The following EDNRB variants were observed in gnomAD, a reference collection of about 807,000 sequenced individuals.
EDNRB encodes the protein Hirschsprung disease 2.
A neutral mutation model predicts 46.4 loss-of-function variants in EDNRB; 18 were observed. That is an observed-to-expected ratio of 0.39 (90% CI 0.27 to 0.57). The LOEUF (loss-of-function observed/expected upper bound fraction) is 0.57, where lower values mean the gene tolerates loss of function less well. Ranked by LOEUF, EDNRB falls within the 20% of genes least tolerant of loss-of-function variation. The pLI is 0.61. For missense variants in EDNRB, 434 were observed against 537.5 expected, an observed-to-expected ratio of 0.81 and a Z score of 1.90; for synonymous variants, 213 against 204.9, an observed-to-expected ratio of 1.04 and a Z score of -0.34.
At chr13:77,938,090 A>G (rs1880621957) in intron 1 of EDNRB, among the ~76,000 whole-genome samples, 1 of 152,144 alleles carries the variant, frequency 6.6e-6, no homozygotes, top group Admixed American at 6.5e-5. Context: ...GTTTTAGGTC[A>G]GGTGTGAGTT....
intron 1 of EDNRB, among the ~76,000 whole-genome samples, chr13:77,937,938 C>T (rs909657652): frequency 5.3e-5 from 8 of 152,030 alleles, no homozygotes; most frequent in South Asian, 2.1e-4. Context: ...TCAGGCATTT[C>T]GACTGTTTGC....
chr13:77,896,872 G>C lies in EDNRB; in HGVS notation c.*1328C>G. ...CTTAGAAGATATAAAAATTAGGCAG[G>C]AACGCACAAAGCTAAGAGGTTCTTA... is the stretch of plus-strand genomic sequence containing the variant. On this transcript the variant is annotated 3_prime_UTR_variant, in exon 7 of 7. Transcript: ENST00000646607. 9.8e-7 allele frequency: 1 copy of C among 1,024,210 alleles called. No homozygotes were observed. Among genetic ancestry groups the C allele is most frequent in the Non-Finnish European group, 1.2e-6 (1 of 856,018 alleles). 63.4% of individuals were successfully genotyped at this position (1,024,210 alleles called of 1,614,324 possible).
At chr13:77,923,687 A>G (rs1357756190), upstream of EDNRB, among the ~76,000 whole-genome samples, 2 of 152,164 alleles carry the variant, frequency 1.3e-5, no homozygotes, top group Non-Finnish European at 2.9e-5. Context: ...GAAGTGTCCA[A>G]AGAGATGTGA....
At chr13:77,957,933 C>T (rs1413562023) in intron 1 of EDNRB, among the ~76,000 whole-genome samples, 1 of 152,150 alleles carries the variant, frequency 6.6e-6, no homozygotes, top group Non-Finnish European at 1.5e-5. Flanking sequence ...TCCAAGGCCA[C>T]GTTTTTGTTT....
At chr13:77,930,452 A>C (rs906529407) in intron 1 of EDNRB, among the ~76,000 whole-genome samples, 4 of 152,200 alleles carry the variant, frequency 2.6e-5, no homozygotes, top group Admixed American at 2.6e-4. Context: ...ATTACTTCAG[A>C]ACACCTCTTC....
intron 5 of EDNRB, 94 bp from the exon 6 acceptor site, chr13:77,900,061 C>T: frequency 2.0e-6 from 2 of 997,208 alleles, no homozygotes; most frequent in Non-Finnish European, 1.6e-6. Context: ...AAAAAAAATG[C>T]CAATATACAA....
chr13:77,918,477 G>A lies in EDNRB; in HGVS notation c.97C>T (p.Pro33Ser). 1.3e-6 allele frequency: 2 copies of A among 1,562,290 alleles called. No homozygotes were observed. Among genetic ancestry groups the A allele is most frequent in the Non-Finnish European group, 1.7e-6 (2 of 1,158,466 alleles). The change falls in exon 1 of 7, where the codon CCT becomes TCT. Residue 33 changes from proline to serine, a missense_variant. By Grantham distance (74) the Pro-to-Ser change is moderately conservative (BLOSUM62 -1). Transcript: ENST00000646607. This position sits in a 1 kb window ranked among gnomAD's most constrained non-coding sequence, Gnocchi z 4.5. The part of the protein sequence containing the change: ...RIWGEERGFP[P>S]DRATPLLQTA... ...TGCAAAAGCGGAGTGGCCCTGTCAG[G>A]CGGGAAGCCTCTCTCCTCTCCCCAG...
At chr13:77,960,503 C>A (rs1881374448) in intron 1 of EDNRB, among the ~76,000 whole-genome samples, 1 of 152,074 alleles carries the variant, frequency 6.6e-6, no homozygotes, top group Non-Finnish European at 1.5e-5. Context: ...GATTTTGTCA[C>A]ACCAGGCCTG....
chr13:77,944,070 C>T (rs1880831173), intron 1 of EDNRB, among the ~76,000 whole-genome samples: 1 of 152,134 alleles, frequency 6.6e-6, no homozygotes, highest in East Asian at 1.9e-4. Context: ...CTTGTTTCAC[C>T]TTTAAACATT....
In EDNRB at chr13:77,896,535, C is replaced by T. The variant is rs200820255; in HGVS notation, c.*1665G>A. 16 of 1,569,690 alleles carry T rather than the reference C, an allele frequency of 1.0e-5. No homozygotes were observed. The South Asian group carries it at 1.9e-4, about 18-fold the overall frequency. On this transcript the variant is annotated 3_prime_UTR_variant, in exon 7 of 7. Transcript: ENST00000646607. Reference sequence around the variant, plus strand: ...TATTGACAGAAAACAACATTACTAGCTTATTTCCAACATGTGGCCCAGCCT... The same window carrying T: ...TATTGACAGAAAACAACATTACTAGTTTATTTCCAACATGTGGCCCAGCCT...
chr13:77,903,466 A>C, intron 2 of EDNRB, 29 bp downstream of exon 2: 1 of 1,610,884 alleles, frequency 6.2e-7, no homozygotes. Context: ...TATATTCAGA[A>C]TATACTTGGA....
intron 1 of EDNRB, among the ~76,000 whole-genome samples, chr13:77,964,208 T>C (rs138151961): frequency 0.014 from 2,199 of 152,308 alleles, 46 homozygotes; most frequent in East Asian, 0.024. Context: ...TGGAAGACAG[T>C]GTGGCCACTC....
chr13:77,914,489 G>T (rs1341862064), intron 1 of EDNRB, among the ~76,000 whole-genome samples: 1 of 152,102 alleles, frequency 6.6e-6, no homozygotes, highest in African/African-American at 2.4e-5. Context: ...TGTTCTTCTG[G>T]TTGGTGTTGT....
intron 1 of EDNRB, among the ~76,000 whole-genome samples, chr13:77,908,049 G>GAT (rs1879378520): frequency 7.1e-6 from 1 of 140,290 alleles, no homozygotes; most frequent in South Asian, 2.3e-4. Context: ...AAAAAAGAGA[G>GAT]AGAGAGCATT....
Position 77,918,155 on chromosome 13 carries a change from A to G in EDNRB, c.419T>C (p.Ile140Thr). 1 of 1,614,170 alleles carries G rather than the reference A, an allele frequency of 6.2e-7. No homozygotes were observed. The highest frequency in any genetic ancestry group is 8.5e-7 in the Non-Finnish European group (1 of 1,180,042). The change falls in exon 1 of 7, where the codon ATC becomes ACC. Residue 140 changes from isoleucine to threonine, a missense_variant. Coordinates refer to ENST00000646607, the MANE Select transcript of EDNRB (RefSeq NM_001122659.3). The surrounding 1 kb of genome is among the most constrained non-coding windows in gnomAD (Gnocchi z 4.5). ...CAGGTCTCCCAGAGCCAAGCTGGCGATCAAGATATTGGGACCGTTTCGCAT... is the reference window on the plus strand; with the variant it reads ...CAGGTCTCCCAGAGCCAAGCTGGCGGTCAAGATATTGGGACCGTTTCGCAT... ...KCMRNGPNIL[I>T]ASLALGDLLH...
In EDNRB at chr13:77,951,986, CTACT is replaced by C. The variant is rs1469978859; in HGVS notation, c.-52+23357_-52+23360del. On this transcript the variant is annotated intron_variant, in intron 1 of 7. Transcript: ENST00000646948. ...GCCAGAAATATGTTACCGGACAACC[CTACT>C]TACCCAAAATTAGCCTTTGGGTCGG... is the stretch of plus-strand genomic sequence containing the variant. 3.3e-5 allele frequency among the ~76,000 whole-genome samples: 5 copies of C among 152,276 alleles called. No homozygotes were observed. The East Asian group carries it at 7.7e-4, about 24-fold the overall frequency.
chr13:77,897,517 G>T lies in EDNRB; in HGVS notation c.*683C>A, dbSNP rs1594353355. The T allele has an allele frequency of 2.0e-6, 2 of 980,808 alleles. No individual in the cohort carries two copies. Among genetic ancestry groups the T allele is most frequent in the Non-Finnish European group, 2.4e-6 (2 of 825,852 alleles). The allele number at this position is 980,808 out of a possible 1,614,324, so 60.8% of individuals were successfully genotyped here. On this transcript the variant is annotated 3_prime_UTR_variant, in exon 7 of 7. Coordinates refer to ENST00000646607, the MANE Select transcript of EDNRB (RefSeq NM_001122659.3). Reference sequence around the variant, plus strand: ...ATTCAGCTGGCACATGTGCCAGTCTGTTACATGCTGCTTGTTTGTGACATG... The same window carrying T: ...ATTCAGCTGGCACATGTGCCAGTCTTTTACATGCTGCTTGTTTGTGACATG...
At chr13:77,950,041 C>T (rs917492259) in intron 1 of EDNRB, among the ~76,000 whole-genome samples, 3 of 152,142 alleles carry the variant, frequency 2.0e-5, no homozygotes, top group Non-Finnish European at 4.4e-5. Flanking sequence ...CAAGCCAATA[C>T]CTCGTGTGCA....
At chr13:77,975,184 C>G (rs1881851895) in intron 1 of EDNRB, among the ~76,000 whole-genome samples, 1 of 152,200 alleles carries the variant, frequency 6.6e-6, no homozygotes, top group Non-Finnish European at 1.5e-5. Context: ...GGCCATGCTT[C>G]CACTCAAATG....
Sources: allele counts gnomAD v4.1 joint callset (sites outside exome capture counted in the v4.1 genomes callset), GRCh38; gene constraint gnomAD v4.1.1; non-coding constraint Gnocchi (gnomAD v3.1); transcripts MANE v1.5; gene names NCBI Gene and HGNC (gene_info 2026-07-23, HGNC 2026-07-21).